Variants in SLC9B1 observed in about 807,000 individuals in gnomAD.
SLC9B1 encodes sodium/hydrogen exchanger 9B1.
In SLC9B1, 32 loss-of-function variants were observed where a neutral mutation model predicts 51.7. That is an observed-to-expected ratio of 0.62 (90% CI 0.47 to 0.83). The LOEUF (loss-of-function observed/expected upper bound fraction) is 0.83, where lower values mean the gene tolerates loss of function less well. Among genes scored for constraint, SLC9B1 ranks in the 40% least tolerant of loss-of-function variants. The probability of loss-of-function intolerance (pLI) is 0.00; values close to 1 mark genes in which losing one functional copy is unlikely to be tolerated. For missense variants in SLC9B1, 406 were observed against 613.2 expected (o/e 0.66, Z 3.57); for synonymous variants, 145 against 212.7 (o/e 0.68, Z 2.77).
chr4:102,982,044 T>C (rs1267197702), intron 3 of SLC9B1, among the ~76,000 whole-genome samples: 1 of 152,148 alleles, frequency 6.6e-6, no homozygotes, highest in Non-Finnish European at 1.5e-5. Flanking sequence ...CATTCAAGTC[T>C]ATGATATGTT....
intron 4 of SLC9B1, among the ~76,000 whole-genome samples, chr4:102,947,983 C>CGGTGATGGTGGTTATAGA: frequency 6.6e-6 from 1 of 152,040 alleles, no homozygotes; most frequent in East Asian, 1.9e-4. Context: ...GTGGTTATAG[C>CGGTGATGGTGGTTATAGA]GGTGATGGTT....
chr4:102,895,592 TA>T (rs1734497788), intron 11 of SLC9B1, among the ~76,000 whole-genome samples: 1 of 152,136 alleles, frequency 6.6e-6, no homozygotes, highest in Non-Finnish European at 1.5e-5. Flanking sequence ...TTACATAAAT[TA>T]AATGTGTACA....
At chr4:102,995,480 T>C (rs1740166593) in intron 1 of SLC9B1, among the ~76,000 whole-genome samples, 1 of 152,148 alleles carries the variant, frequency 6.6e-6, no homozygotes, top group Non-Finnish European at 1.5e-5. Context: ...TATGTAACTA[T>C]AATGATTAGG....
chr4:102,931,225 C>CAA lies in SLC9B1; in HGVS notation c.829+897_829+898dup, dbSNP rs34843459. ...TGGGTGACAGAGCAAGACTCCGCCT[C>CAA]AAAAAAAAAAAAAAGAACATATTGG... On this transcript the variant is annotated intron_variant, in intron 7 of 11. Coordinates refer to ENST00000296422, the MANE Select transcript of SLC9B1 (RefSeq NM_139173.4). Among the ~76,000 whole-genome samples, 219 of 122,528 alleles carry CAA rather than the reference C, an allele frequency of 1.8e-3. 1 individual carries two copies. Among genetic ancestry groups the CAA allele is most frequent in the African/African-American group, 4.5e-3 (154 of 33,926 alleles). 80.4% of individuals were successfully genotyped at this position (122,528 alleles called of 152,430 possible). A position where few individuals can be genotyped will look rare whatever the true frequency, so the allele number is the denominator to read the frequency against.
At position 102,955,881 on chromosome 4, in the gene SLC9B1, GAA is replaced by G. The variant is rs1194033610; in HGVS notation, c.212-6456_212-6455del. 1.6e-4 allele frequency among the ~76,000 whole-genome samples: 23 copies of G among 145,874 alleles called. No homozygotes were observed. The East Asian group carries it at 3.6e-3, about 23-fold the overall frequency. On this transcript the variant is annotated intron_variant, in intron 3 of 11. Coordinates refer to ENST00000296422, the MANE Select transcript of SLC9B1 (RefSeq NM_139173.4). ...AGAAAGAAAGAAAGAAAGAAAGAAA[GAA>G]AGAAAGAAAGAAAGAAAGAGAGAGA...
chr4:103,008,462 G>T (rs1167288183), intron 1 of SLC9B1, among the ~76,000 whole-genome samples: 1 of 151,008 alleles, frequency 6.6e-6, no homozygotes, highest in African/African-American at 2.4e-5. Flanking sequence ...CGCCCAGGAT[G>T]GAGTGCAGTG....
At chr4:103,005,577 G>A (rs1740739379) in intron 1 of SLC9B1, among the ~76,000 whole-genome samples, 1 of 152,046 alleles carries the variant, frequency 6.6e-6, no homozygotes, top group Non-Finnish European at 1.5e-5. Flanking sequence ...AAGATATTTG[G>A]GACCTGCACT....
At chr4:103,004,614 C>T (rs887803979) in intron 1 of SLC9B1, among the ~76,000 whole-genome samples, 1 of 152,114 alleles carries the variant, frequency 6.6e-6, no homozygotes, top group Admixed American at 6.5e-5. Context: ...CAATGACCAT[C>T]CCCAAAACAC....
intron 7 of SLC9B1, among the ~76,000 whole-genome samples, chr4:102,931,853 A>T (rs1402002099): frequency 2.6e-5 from 4 of 152,374 alleles, no homozygotes; most frequent in Non-Finnish European, 5.9e-5. Flanking sequence ...ATAAAATTCC[A>T]AAGCAATATA....
At chr4:103,002,195 C>T (rs1740559710) in intron 1 of SLC9B1, among the ~76,000 whole-genome samples, 1 of 152,168 alleles carries the variant, frequency 6.6e-6, no homozygotes, top group Non-Finnish European at 1.5e-5. Context: ...GACACAGGCC[C>T]AAACCATATC....
At position 102,991,531 on chromosome 4, in the gene SLC9B1, T is replaced by C. The variant is rs1578405909; in HGVS notation, c.69+112A>G. 52 of 668,782 alleles carry C rather than the reference T, an allele frequency of 7.8e-5. No individual in the cohort carries two copies. In the East Asian group the frequency reaches 1.6e-3, roughly 20 times the overall value. The allele number at this position is 668,782 out of a possible 1,614,324, so 41.4% of individuals were successfully genotyped here. A position where few individuals can be genotyped will look rare whatever the true frequency, so the allele number is the denominator to read the frequency against. On this transcript the variant is annotated intron_variant, in intron 2 of 11. Transcript: ENST00000296422. ...TAGCTATTTTAAAATTTACCACTTT[T>C]CATTTTTAACCAGATATATAAAAGA... is the stretch of plus-strand genomic sequence containing the variant.
chr4:102,892,101 C>G (rs1308600689), intron 11 of SLC9B1: 1 of 152,192 alleles, frequency 6.6e-6, no homozygotes, highest in Non-Finnish European at 1.5e-5. Context: ...CCCTGTCACC[C>G]AGGCTGGAGT....
At chr4:102,958,103 T>C (rs1476636030) in intron 3 of SLC9B1, among the ~76,000 whole-genome samples, 3 of 152,196 alleles carry the variant, frequency 2.0e-5, no homozygotes, top group Non-Finnish European at 2.9e-5. Context: ...TATGTGTCCC[T>C]GCCCAAATCT....
rs577308559 is a variant in SLC9B1 at position 102,910,617 on chromosome 4, G to T, written c.937-29C>A. The T allele has an allele frequency of 1.1e-4, 117 of 1,033,794 alleles. 1 individual carries two copies. In the African/African-American group the frequency reaches 1.8e-3, roughly 16 times the overall value. The allele number at this position is 1,033,794 out of a possible 1,614,324, so 64.0% of individuals were successfully genotyped here. A position where few individuals can be genotyped will look rare whatever the true frequency, so the allele number is the denominator to read the frequency against. Reference sequence around the variant, plus strand: ...GAATTAGATAGATATTTAGAAATTAGTTTATATTAAATATATAATATAAGA... The same window carrying T: ...GAATTAGATAGATATTTAGAAATTATTTTATATTAAATATATAATATAAGA... On this transcript the variant is annotated intron_variant, in intron 8 of 11. Transcript: ENST00000296422.
At chr4:102,947,966 A>ATGGTGGTTATAGCG in intron 4 of SLC9B1, among the ~76,000 whole-genome samples, 1 of 151,080 alleles carries the variant, frequency 6.6e-6, no homozygotes, top group African/African-American at 2.4e-5. Context: ...TGAATCCATG[A>ATGGTGGTTATAGCG]GTGATGGTGG....
intron 3 of SLC9B1, among the ~76,000 whole-genome samples, chr4:102,968,204 T>G (rs185911649): frequency 6.6e-6 from 1 of 152,322 alleles, no homozygotes; most frequent in Admixed American, 6.5e-5. Context: ...CCCACATAAA[T>G]AGTCAATTGA....
chr4:102,947,421 G>A (rs1055383024), intron 4 of SLC9B1, among the ~76,000 whole-genome samples: 1 of 152,198 alleles, frequency 6.6e-6, no homozygotes, highest in Non-Finnish European at 1.5e-5. Context: ...TGTTGTCCAA[G>A]GTGAGTGCAG....
chr4:102,930,976 GCA>G (rs1389115464), intron 7 of SLC9B1, among the ~76,000 whole-genome samples: 3 of 151,992 alleles, frequency 2.0e-5, no homozygotes, highest in Admixed American at 6.6e-5. Flanking sequence ...TGTAATCCCA[GCA>G]CTTTGGGAGG....
At chr4:102,949,064 T>C (rs1371813913) in intron 4 of SLC9B1, among the ~76,000 whole-genome samples, 193 bp downstream of exon 4, 2 of 152,166 alleles carry the variant, frequency 1.3e-5, no homozygotes, top group Non-Finnish European at 2.9e-5. Context: ...TGTGTATATA[T>C]GTAGACAGAG....
Sources: gnomAD v4.1 joint callset for allele counts (sites outside exome capture counted in the v4.1 genomes callset) on GRCh38, gnomAD v4.1.1 for gene constraint, MANE v1.5 for transcripts, NCBI Gene and HGNC (gene_info 2026-07-23, HGNC 2026-07-21) for gene names.